Variants in INVS observed in about 807,000 individuals in gnomAD.
INVS encodes the protein inversin.
In INVS, 86 loss-of-function variants were observed where a neutral mutation model predicts 108.8. That is an observed-to-expected ratio of 0.79 (90% CI 0.66 to 0.95). The LOEUF (loss-of-function observed/expected upper bound fraction) is 0.95, where lower values mean the gene tolerates loss of function less well. Among genes scored for constraint, INVS ranks in the 40% least tolerant of loss-of-function variants. INVS has a pLI of 0.00. For missense variants in INVS, 1,169 were observed against 1,297.4 expected (o/e 0.90, Z 1.52); for synonymous variants, 455 against 473.5 (o/e 0.96, Z 0.51).
chr9:100,126,359 ACTAT>A lies in INVS; in HGVS notation c.107-21_107-18del. ...TTAGTAATAACAATTATCAAATATC[ACTAT>A]CTGTTTCTTATCCTTATAGGAAACT... is the stretch of plus-strand genomic sequence containing the variant. On this transcript the variant is annotated intron_variant, in intron 2 of 16. Transcript: ENST00000262457. The A allele has an allele frequency of 6.3e-7, 1 of 1,576,438 alleles. No homozygotes were observed. Among genetic ancestry groups the A allele is most frequent in the Non-Finnish European group, 8.7e-7 (1 of 1,146,200 alleles).
intron 11 of INVS, 70 bp from the exon 12 acceptor site, chr9:100,272,794 T>C (rs111844105): frequency 7.3e-7 from 1 of 1,371,330 alleles, no homozygotes; most frequent in Non-Finnish European, 1.0e-6. Flanking sequence ...CATAATAATA[T>C]TTTCAGTTTA....
chr9:100,209,127 A>G (rs949026685), intron 3 of INVS, among the ~76,000 whole-genome samples: 11 of 152,326 alleles, frequency 7.2e-5, no homozygotes, highest in African/African-American at 4.8e-5. Flanking sequence ...GCGAACATCA[A>G]TATGCTAGGA....
intron 3 of INVS, among the ~76,000 whole-genome samples, chr9:100,186,886 T>C (rs1830069755): frequency 6.6e-6 from 1 of 151,986 alleles, no homozygotes. Flanking sequence ...TTTATTTTTG[T>C]TTTTGTTAAA....
chr9:100,101,387 C>T (rs1024463728), intron 1 of INVS: 2 of 152,012 alleles, frequency 1.3e-5, no homozygotes, highest in African/African-American at 4.8e-5. Context: ...TACTCCCCTC[C>T]CATGTTTTCA....
Position 100,136,725 on chromosome 9 carries a change from C to T in INVS, c.273+10176C>T, listed in dbSNP as rs73505775. On this transcript the variant is annotated intron_variant, in intron 3 of 16. Coordinates refer to ENST00000262457, the MANE Select transcript of INVS (RefSeq NM_014425.5). ...GAATGGATTATTGATGGATCAAAGT[C>T]GCTGGGGAGATGGGAACAGAAAGGA... Among the ~76,000 whole-genome samples, 362 of 152,170 alleles carry T rather than the reference C, an allele frequency of 2.4e-3. 3 individuals carry two copies. The highest frequency in any genetic ancestry group is 8.3e-3 in the African/African-American group (343 of 41,518).
intron 2 of INVS, 107 bp from the exon 3 acceptor site, chr9:100,126,276 T>C: frequency 1.2e-6 from 1 of 868,952 alleles, no homozygotes; most frequent in Non-Finnish European, 1.9e-6. Context: ...TAAGATGATA[T>C]ACTTAAGCAT....
chr9:100,300,361 C>G (rs1239207336), intron 16 of INVS, among the ~76,000 whole-genome samples: 1 of 152,196 alleles, frequency 6.6e-6, no homozygotes, highest in Non-Finnish European at 1.5e-5. Context: ...CTCTCTTAAT[C>G]AAGTCTCCCT....
At chr9:100,238,120 C>A (rs1831748600) in intron 5 of INVS, among the ~76,000 whole-genome samples, 1 of 152,072 alleles carries the variant, frequency 6.6e-6, no homozygotes, top group Non-Finnish European at 1.5e-5. Flanking sequence ...CTCAAGTGAT[C>A]CACCTACGTC....
intron 10 of INVS, among the ~76,000 whole-genome samples, chr9:100,254,300 G>C (rs937903491): frequency 2.0e-5 from 3 of 152,092 alleles, no homozygotes; most frequent in African/African-American, 7.2e-5. Flanking sequence ...TAAGTTCTTT[G>C]TGGATTCTGG....
chr9:100,157,718 C>G (rs1040381092), intron 3 of INVS, among the ~76,000 whole-genome samples: 2 of 152,174 alleles, frequency 1.3e-5, no homozygotes, highest in African/African-American at 4.8e-5. Flanking sequence ...TTGAGCCAGA[C>G]TTTCCTGCCA....
chr9:100,169,129 G>C (rs1829457795), intron 3 of INVS, among the ~76,000 whole-genome samples: 1 of 152,146 alleles, frequency 6.6e-6, no homozygotes, highest in Non-Finnish European at 1.5e-5. Flanking sequence ...TGGTCATTTA[G>C]AAATGTGGTT....
At chr9:100,220,194 C>A (rs1831102821) in intron 3 of INVS, among the ~76,000 whole-genome samples, 2 of 151,912 alleles carry the variant, frequency 1.3e-5, no homozygotes, top group South Asian at 4.2e-4. Context: ...AGTTAAAAAT[C>A]ACATTTTGAC....
rs1316401405 is a variant in INVS, at chr9:100,247,312, C to A, written c.1078+525C>A. Among the ~76,000 whole-genome samples the A allele has an allele frequency of 5.3e-5, 8 of 152,090 alleles. No individual in the cohort carries two copies. In the South Asian group the frequency reaches 8.3e-4, roughly 16 times the overall value. On this transcript the variant is annotated intron_variant, in intron 8 of 16. Coordinates refer to ENST00000262457, the MANE Select transcript of INVS (RefSeq NM_014425.5). ...AAGATGCTTCAAAGCTTCAAATCAACCTTGCTTGAAAAACTCTTACTAGAT... is the reference window on the plus strand; with the variant it reads ...AAGATGCTTCAAAGCTTCAAATCAAACTTGCTTGAAAAACTCTTACTAGAT...
At chr9:100,198,289 TTTTTTTTTTTTTTTTTTTTTTTTTTTG>T (rs1433338198) in intron 3 of INVS, among the ~76,000 whole-genome samples, 7 of 52,226 alleles carry the variant, frequency 1.3e-4, no homozygotes, top group Middle Eastern at 8.1e-3. Context: ...TTTTTTTTTT[TTTTTTTTTTTTTTTTTTTTTTTTTTTG>T]GAGACAGTTT....
intron 3 of INVS, among the ~76,000 whole-genome samples, chr9:100,172,513 G>C (rs1564143441): frequency 6.6e-6 from 1 of 152,008 alleles, no homozygotes; most frequent in Non-Finnish European, 1.5e-5. Context: ...TCCAACTTTG[G>C]AATCTATTAA....
intron 3 of INVS, among the ~76,000 whole-genome samples, chr9:100,163,186 A>T (rs200052866): frequency 5.8e-4 from 76 of 131,804 alleles, no homozygotes; most frequent in East Asian, 5.2e-3. Flanking sequence ...TGTTCTTTCT[A>T]TTTTTTTTTT....
chr9:100,259,883 G>A (rs891374310), intron 10 of INVS, among the ~76,000 whole-genome samples: 3 of 150,114 alleles, frequency 2.0e-5, no homozygotes, highest in Non-Finnish European at 4.4e-5. Context: ...TTCTTTTTTT[G>A]TTTGTTGAGA....
intron 3 of INVS, among the ~76,000 whole-genome samples, chr9:100,197,327 C>T (rs953897120): frequency 2.0e-5 from 3 of 152,166 alleles, no homozygotes; most frequent in African/African-American, 7.2e-5. Context: ...AATCCCAGCA[C>T]TTTGGGAGGT....
At chr9:100,213,820 C>CTT (rs1830908225) in intron 3 of INVS, among the ~76,000 whole-genome samples, 2 of 152,144 alleles carry the variant, frequency 1.3e-5, no homozygotes, top group Non-Finnish European at 2.9e-5. Flanking sequence ...ACTTAGTAAG[C>CTT]CCAGAGGAAG....
Sources: allele counts gnomAD v4.1 joint callset (sites outside exome capture counted in the v4.1 genomes callset), GRCh38; gene constraint gnomAD v4.1.1; transcripts MANE v1.5; gene names NCBI Gene and HGNC (gene_info 2026-07-23, HGNC 2026-07-21).